KCNH7: variants seen among roughly 807,000 people sequenced by gnomAD.
KCNH7 encodes voltage-gated inwardly rectifying potassium channel KCNH7.
A neutral mutation model predicts 120.8 loss-of-function variants in KCNH7; 49 were observed. The observed-to-expected ratio is 0.41, with a 90% confidence interval of 0.32 to 0.51. KCNH7 has a LOEUF of 0.51. Among genes scored for constraint, KCNH7 ranks in the 20% least tolerant of loss-of-function variants. The pLI, the probability that KCNH7 is intolerant of heterozygous loss-of-function variation, is 0.38. For synonymous variants in KCNH7, 547 were observed against 516.1 expected (o/e 1.06, Z -0.81); for missense variants, 1,097 against 1,446.6 (o/e 0.76, Z 3.92).
chr2:162,373,389 G>A lies in KCNH7; in HGVS notation c.3324+81C>T, dbSNP rs950033633. 2.7e-5 allele frequency: 27 copies of A among 1,009,696 alleles called. No homozygotes were observed. The Middle Eastern group carries it at 9.6e-4, about 36-fold the overall frequency. 62.5% of individuals were successfully genotyped at this position (1,009,696 alleles called of 1,614,324 possible). A position where few individuals can be genotyped will look rare whatever the true frequency, so the allele number is the denominator to read the frequency against. ...GGGACAGAAATCTGCCTTTTCCACAGCACCCCAAGTGATTCTGATTAGGTG... is the reference window on the plus strand; with the variant it reads ...GGGACAGAAATCTGCCTTTTCCACAACACCCCAAGTGATTCTGATTAGGTG... On this transcript the variant is annotated intron_variant, in intron 15 of 15. Coordinates refer to ENST00000332142, the MANE Select transcript of KCNH7 (RefSeq NM_033272.4).
intron 6 of KCNH7, among the ~76,000 whole-genome samples, chr2:162,480,090 CATTAGAT>C (rs1689879078): frequency 2.6e-5 from 4 of 151,256 alleles, no homozygotes; most frequent in Admixed American, 6.6e-5. Context: ...TGAAGGCAAG[CATTAGAT>C]TATGCTATAA....
intron 2 of KCNH7, among the ~76,000 whole-genome samples, chr2:162,746,567 C>A (rs1346205070): frequency 6.6e-6 from 1 of 152,018 alleles, no homozygotes; most frequent in Non-Finnish European, 1.5e-5. Context: ...TAATAAATCA[C>A]ACTTGAACAG....
chr2:162,580,082 A>T (rs1693820981), intron 2 of KCNH7, among the ~76,000 whole-genome samples: 1 of 152,030 alleles, frequency 6.6e-6, no homozygotes, highest in Non-Finnish European at 1.5e-5. Context: ...TCTCTGGAAA[A>T]TATGCAGAGA....
chr2:162,483,529 G>T (rs528261644), intron 6 of KCNH7, among the ~76,000 whole-genome samples: 5 of 151,122 alleles, frequency 3.3e-5, no homozygotes, highest in African/African-American at 1.2e-4. Flanking sequence ...GGAGTTCACT[G>T]TATTCTTTGT....
intron 2 of KCNH7, among the ~76,000 whole-genome samples, chr2:162,727,151 G>T (rs1384446727): frequency 1.3e-5 from 2 of 152,072 alleles, no homozygotes; most frequent in Admixed American, 1.3e-4. Context: ...TACTCCAAAA[G>T]TCCTGGTTTC....
In KCNH7 at chr2:162,493,170, C is replaced by T. The variant is rs141758024; in HGVS notation, c.1128+11273G>A. The stretch of plus-strand genomic sequence containing the variant: ...GAAACTACATGTTTCCCTAGCCCTG[C>T]TTCTTGGAGAGCTATACCCTGAGTC... On this transcript the variant is annotated intron_variant, in intron 6 of 15. Transcript: ENST00000332142. 7.9e-5 allele frequency among the ~76,000 whole-genome samples: 12 copies of T among 152,198 alleles called. 1 individual carries two copies. In the East Asian group the frequency reaches 2.1e-3, roughly 27 times the overall value.
intron 2 of KCNH7, among the ~76,000 whole-genome samples, chr2:162,665,551 T>G (rs900228384): frequency 6.6e-6 from 1 of 152,154 alleles, no homozygotes; most frequent in African/African-American, 2.4e-5. Flanking sequence ...GGAGTTCTTT[T>G]TCTAATACCT....
At chr2:162,621,263 T>TTTTTTTTTTG (rs1683347184) in intron 2 of KCNH7, among the ~76,000 whole-genome samples, 1 of 135,178 alleles carries the variant, frequency 7.4e-6, no homozygotes, top group African/African-American at 2.8e-5. Flanking sequence ...TTTTTTTTTT[T>TTTTTTTTTTG]TTTTTTTTTT....
chr2:162,809,901 C>T (rs1684676923), intron 2 of KCNH7, among the ~76,000 whole-genome samples: 1 of 151,160 alleles, frequency 6.6e-6, no homozygotes, highest in Non-Finnish European at 1.5e-5. Context: ...CATATGTTCT[C>T]ACCTATTCTT....
chr2:162,401,470 A>G (rs1478284972), intron 9 of KCNH7, among the ~76,000 whole-genome samples: 1 of 151,950 alleles, frequency 6.6e-6, no homozygotes, highest in African/African-American at 2.4e-5. Flanking sequence ...TTTTGGATCA[A>G]CCTTGTTATG....
chr2:162,540,162 G>A (rs1692254942), intron 2 of KCNH7, among the ~76,000 whole-genome samples: 1 of 151,958 alleles, frequency 6.6e-6, no homozygotes, highest in Non-Finnish European at 1.5e-5. Context: ...TTCAGACCTT[G>A]TTAAATGAAT....
chr2:162,757,928 A>T (rs1411259247), intron 2 of KCNH7, among the ~76,000 whole-genome samples: 2 of 152,168 alleles, frequency 1.3e-5, no homozygotes. Flanking sequence ...TATATTCCTT[A>T]TTCTCAATAA....
At chr2:162,511,278 G>T (rs1691064348) in intron 5 of KCNH7, among the ~76,000 whole-genome samples, 1 of 151,496 alleles carries the variant, frequency 6.6e-6, no homozygotes, top group African/African-American at 2.4e-5. Flanking sequence ...GAAAAATTAG[G>T]TTCATTTATC....
chr2:162,403,705 GATTTTCTTA>G, intron 9 of KCNH7, among the ~76,000 whole-genome samples: 1 of 152,038 alleles, frequency 6.6e-6, no homozygotes, highest in African/African-American at 2.4e-5. Flanking sequence ...GCCCTTAACA[GATTTTCTTA>G]ATTTTCTTAA....
chr2:162,436,055 GGA>G (rs578055855), intron 7 of KCNH7, among the ~76,000 whole-genome samples: 1 of 151,968 alleles, frequency 6.6e-6, no homozygotes, highest in Non-Finnish European at 1.5e-5. Context: ...AGTCTACTGA[GGA>G]GAGAGAGATT....
intron 12 of KCNH7, among the ~76,000 whole-genome samples, chr2:162,385,880 A>G (rs1248586741): frequency 6.6e-6 from 1 of 152,018 alleles, no homozygotes; most frequent in African/African-American, 2.4e-5. Flanking sequence ...CTGTTTTTAA[A>G]AATTCCCATA....
At chr2:162,721,921 A>G (rs1205127246) in intron 2 of KCNH7, among the ~76,000 whole-genome samples, 1 of 152,166 alleles carries the variant, frequency 6.6e-6, no homozygotes, top group African/African-American at 2.4e-5. Flanking sequence ...TAATTAAAAT[A>G]AAAGAAACAG....
intron 2 of KCNH7, among the ~76,000 whole-genome samples, chr2:162,580,693 GAGA>G (rs1693837119): frequency 6.6e-6 from 1 of 152,040 alleles, no homozygotes; most frequent in African/African-American, 2.4e-5. Flanking sequence ...GAGGACTGGA[GAGA>G]AGAACAGATC....
chr2:162,581,417 C>T (rs1411681058), intron 2 of KCNH7, among the ~76,000 whole-genome samples: 1 of 152,074 alleles, frequency 6.6e-6, no homozygotes, highest in Non-Finnish European at 1.5e-5. Flanking sequence ...ACAATCACTA[C>T]TATAACAGCT....
Sources: allele counts gnomAD v4.1 joint callset (sites outside exome capture counted in the v4.1 genomes callset), GRCh38; gene constraint gnomAD v4.1.1; transcripts MANE v1.5; gene names NCBI Gene and HGNC (gene_info 2026-07-23, HGNC 2026-07-21).